Variants in DNAJB4 observed in about 807,000 individuals in gnomAD.
DNAJB4 encodes the protein DnaJ heat shock protein family (Hsp40) member B4.
DNAJB4 carries 10 observed loss-of-function variants against 26.6 expected under a neutral mutation model. The observed-to-expected ratio is 0.38, with a 90% CI of 0.23 to 0.64. The LOEUF is 0.64. Ranked by LOEUF, DNAJB4 falls within the 30% of genes least tolerant of loss-of-function variation. DNAJB4 has a pLI of 0.58. For missense variants in DNAJB4, 328 were observed against 408.2 expected (o/e 0.80, Z 1.69); for synonymous variants, 136 against 134.8 (o/e 1.01, Z -0.06).
intron 1 of DNAJB4, among the ~76,000 whole-genome samples, chr1:77,995,339 T>C (rs1324320874): frequency 6.6e-6 from 1 of 152,238 alleles, no homozygotes; most frequent in African/African-American, 2.4e-5. Flanking sequence ...AGCACTGGTC[T>C]AAATAGTGTG....
At position 78,016,267 on chromosome 1, in the gene DNAJB4, C is replaced by G. The variant is rs753371551; in HGVS notation, c.*20C>G. The stretch of plus-strand genomic sequence containing the variant: ...TCATAGAATGAAGAACTTTGTTACA[C>G]ATATTTTGATAAGGCACTGAAAATA... On this transcript the variant is annotated 3_prime_UTR_variant, in exon 3 of 3. Transcript: ENST00000370763. 9 of 1,594,844 alleles carry G rather than the reference C, an allele frequency of 5.6e-6. No individual in the cohort carries two copies. In the South Asian group the frequency reaches 1.0e-4, roughly 18 times the overall value.
intron 1 of DNAJB4, among the ~76,000 whole-genome samples, chr1:78,006,282 C>T (rs1009190575): frequency 6.6e-6 from 1 of 152,082 alleles, no homozygotes; most frequent in African/African-American, 2.4e-5. Context: ...TGAAGTAAGA[C>T]TATTTTAAAT....
upstream of DNAJB4, among the ~76,000 whole-genome samples, chr1:78,003,519 T>C (rs978552081): frequency 2.6e-5 from 4 of 152,190 alleles, no homozygotes; most frequent in Non-Finnish European, 5.9e-5. Flanking sequence ...CGTTCTCATT[T>C]CTTTAAAGGT....
intron 1 of DNAJB4, among the ~76,000 whole-genome samples, chr1:77,992,455 AT>A (rs1659955995): frequency 6.6e-6 from 1 of 151,022 alleles, no homozygotes; most frequent in Non-Finnish European, 1.5e-5. Context: ...ACAAATGAGA[AT>A]CAACTACTTC....
rs1660645780 is a variant in DNAJB4 at position 78,016,438 on chromosome 1, A to G, written c.*191A>G. Reference sequence around the variant, plus strand: ...TTTACAGTTAGAGATAAAAGAGAAAACCATTCACTGTATTTTATTTCATTT... The same window carrying G: ...TTTACAGTTAGAGATAAAAGAGAAAGCCATTCACTGTATTTTATTTCATTT... On this transcript the variant is annotated 3_prime_UTR_variant, in exon 3 of 3. Transcript: ENST00000370763. 1 of 556,122 alleles carries G rather than the reference A, an allele frequency of 1.8e-6. No individual in the cohort carries two copies. The highest frequency in any genetic ancestry group is 3.1e-6 in the Non-Finnish European group (1 of 318,228). The allele number at this position is 556,122 out of a possible 1,614,324, so 34.4% of individuals were successfully genotyped here. A position where few individuals can be genotyped will look rare whatever the true frequency, so the allele number is the denominator to read the frequency against.
intron 1 of DNAJB4, among the ~76,000 whole-genome samples, chr1:77,985,006 G>A (rs1659759137): frequency 6.6e-6 from 1 of 152,164 alleles, no homozygotes; most frequent in Non-Finnish European, 1.5e-5. Context: ...TTTGTGAACT[G>A]TCTTCTATAT....
intron 1 of DNAJB4, among the ~76,000 whole-genome samples, chr1:78,005,798 T>C (rs937398783): frequency 2.0e-5 from 3 of 152,168 alleles, no homozygotes; most frequent in African/African-American, 7.2e-5. Context: ...CAAAAAGTAG[T>C]TTTTTGCCTT....
At position 78,013,339 on chromosome 1, in the gene DNAJB4, C is replaced by T. The variant is rs749076879; in HGVS notation, c.500C>T (p.Ser167Leu). 6.2e-7 allele frequency: 1 copy of T among 1,614,150 alleles called. No homozygotes were observed. Among genetic ancestry groups the T allele is most frequent in the Non-Finnish European group, 8.5e-7 (1 of 1,180,042 alleles). The change falls in exon 2 of 3, where the codon TCA becomes TTA. Residue 167 changes from serine to leucine, a missense_variant. By Grantham distance (145) the Ser-to-Leu change is moderately radical (BLOSUM62 -2). Coordinates refer to ENST00000370763, the MANE Select transcript of DNAJB4 (RefSeq NM_007034.5). ...CCAGTTATTCATGAACTTAGAGTAT[C>T]ACTTGAAGAGATATATAGTGGTTGT... ...DPPVIHELRV[S>L]LEEIYSGCTK...
At chr1:78,011,745 A>G (rs1052168113) in intron 1 of DNAJB4, among the ~76,000 whole-genome samples, 1 of 151,900 alleles carries the variant, frequency 6.6e-6, no homozygotes, top group African/African-American at 2.4e-5. Flanking sequence ...CGGCCTCCCA[A>G]AGTGCTGGGA....
At chr1:77,980,749 A>G (rs1659586385) in intron 1 of DNAJB4, among the ~76,000 whole-genome samples, 1 of 152,198 alleles carries the variant, frequency 6.6e-6, no homozygotes, top group Non-Finnish European at 1.5e-5. Flanking sequence ...AAGCACCAAA[A>G]TAGCAGTTAA....
chr1:77,987,556 C>G (rs1169948897), intron 1 of DNAJB4, among the ~76,000 whole-genome samples: 1 of 152,096 alleles, frequency 6.6e-6, no homozygotes, highest in Non-Finnish European at 1.5e-5. Flanking sequence ...TGTGCCTGGC[C>G]CCATGCATCT....
chr1:77,980,339 A>ATATATATATATATGTG (rs1477495217), intron 1 of DNAJB4: 1 of 126,072 alleles, frequency 7.9e-6, no homozygotes, highest in African/African-American at 3.9e-5. Flanking sequence ...ATATATATAT[A>ATATATATATATATGTG]TGTGTGTGTG....
At chr1:77,986,419 G>T (rs529595652) in intron 1 of DNAJB4, among the ~76,000 whole-genome samples, 14 of 152,168 alleles carry the variant, frequency 9.2e-5, no homozygotes, top group Non-Finnish European at 1.5e-4. Context: ...CCTCTTGTCA[G>T]TTTGTTTCCT....
At chr1:77,994,603 A>C (rs1299704925) in intron 1 of DNAJB4, among the ~76,000 whole-genome samples, 2 of 143,074 alleles carry the variant, frequency 1.4e-5, no homozygotes. Flanking sequence ...TTTTTTAACT[A>C]CTCTCATTTT....
chr1:77,998,204 A>G (rs142674140), intron 1 of DNAJB4, among the ~76,000 whole-genome samples: 307 of 152,328 alleles, frequency 2.0e-3, no homozygotes, highest in Non-Finnish European at 3.5e-3. Context: ...AGCACCTAAA[A>G]TAGTGTGTGA....
intron 1 of DNAJB4, among the ~76,000 whole-genome samples, chr1:78,012,154 CTTTTCTT>C (rs1347136059): frequency 3.0e-4 from 21 of 69,344 alleles, no homozygotes; most frequent in Admixed American, 5.4e-4. Context: ...TTTTTCTTTT[CTTTTCTT>C]TTTTTTTTTT....
chr1:78,009,095 T>C (rs1443441860), intron 1 of DNAJB4, among the ~76,000 whole-genome samples: 1 of 152,178 alleles, frequency 6.6e-6, no homozygotes, highest in Non-Finnish European at 1.5e-5. Context: ...ACTTATATAT[T>C]TAGCTAGCTG....
intron 1 of DNAJB4, among the ~76,000 whole-genome samples, chr1:78,005,643 A>G (rs1456062140): frequency 6.6e-6 from 1 of 152,170 alleles, no homozygotes; most frequent in Non-Finnish European, 1.5e-5. Flanking sequence ...TCCCATACCT[A>G]TTAGTAAATT....
At chr1:77,982,069 A>G (rs570354732) in intron 1 of DNAJB4, among the ~76,000 whole-genome samples, 1 of 152,370 alleles carries the variant, frequency 6.6e-6, no homozygotes, top group East Asian at 1.9e-4. Flanking sequence ...TCTGTCTTAA[A>G]TAACTGGCCT....
Sources: gnomAD v4.1 joint callset for allele counts (sites outside exome capture counted in the v4.1 genomes callset) on GRCh38, gnomAD v4.1.1 for gene constraint, MANE v1.5 for transcripts, NCBI Gene and HGNC (gene_info 2026-07-23, HGNC 2026-07-21) for gene names.